CLDN10: variants seen among roughly 807,000 people sequenced by gnomAD.
CLDN10 encodes claudin-10.
A neutral mutation model predicts 22.9 loss-of-function variants in CLDN10; 15 were observed. The ratio of observed to expected loss-of-function variants is 0.65; its 90% CI spans 0.44 to 1.01. CLDN10 has a LOEUF of 1.01. Among genes scored for constraint, CLDN10 ranks in the 50% least tolerant of loss-of-function variants. The pLI is 0.00. For synonymous variants in CLDN10, 114 were observed against 111.4 expected (o/e 1.02, Z -0.15); for missense variants, 247 against 287.8 (o/e 0.86, Z 1.03).
At chr13:95,469,741 A>G (rs1404346078) in intron 1 of CLDN10, among the ~76,000 whole-genome samples, 1 of 152,240 alleles carries the variant, frequency 6.6e-6, no homozygotes, top group Non-Finnish European at 1.5e-5. Flanking sequence ...CTGAAAGTTC[A>G]ATCTCAAGAC....
rs34372824 is a variant in CLDN10 at position 95,467,529 on chromosome 13, T to TTGGGG, written c.214+33482_214+33483insTGGGG. On this transcript the variant is annotated intron_variant, in intron 1 of 4. Coordinates refer to the CLDN10 transcript ENST00000376873. Reference sequence around the variant, plus strand: ...TTACCCCTCCCTCTATTGTTTTTTTTGGGGGGGGCAATTTATTTGTTGATG... The same window carrying TTGGGG: ...TTACCCCTCCCTCTATTGTTTTTTTTTGGGGGGGGGGGGCAATTTATTTGTTGATG... Among the ~76,000 whole-genome samples, 136 of 150,896 alleles carry TTGGGG rather than the reference T, an allele frequency of 9.0e-4. 1 individual carries two copies. The highest frequency in any genetic ancestry group is 3.2e-3 in the African/African-American group (132 of 41,140).
At chr13:95,485,771 A>G (rs1166844557) in intron 1 of CLDN10, among the ~76,000 whole-genome samples, 2 of 152,230 alleles carry the variant, frequency 1.3e-5, no homozygotes, top group Admixed American at 1.3e-4. Context: ...CTTTGAGGCC[A>G]ACTCAAATGT....
intron 1 of CLDN10, among the ~76,000 whole-genome samples, chr13:95,520,709 G>C (rs1278725326): frequency 6.6e-6 from 1 of 152,132 alleles, no homozygotes; most frequent in Non-Finnish European, 1.5e-5. Context: ...GAGGGCGGGC[G>C]TGGTGGCTCA....
At chr13:95,567,110 T>C (rs1248710749) in intron 3 of CLDN10, among the ~76,000 whole-genome samples, 3 of 152,206 alleles carry the variant, frequency 2.0e-5, no homozygotes, top group Non-Finnish European at 2.9e-5. Flanking sequence ...GTGGGCTCTC[T>C]TTTGGTTTCA....
intron 1 of CLDN10, among the ~76,000 whole-genome samples, chr13:95,524,517 A>G (rs1349464551): frequency 6.6e-6 from 1 of 152,202 alleles, no homozygotes; most frequent in African/African-American, 2.4e-5. Context: ...ATGATATTCC[A>G]TTGTATGGAA....
chr13:95,473,670 C>T (rs573499805), intron 1 of CLDN10, among the ~76,000 whole-genome samples: 6 of 152,208 alleles, frequency 3.9e-5, no homozygotes, highest in Non-Finnish European at 7.3e-5. Flanking sequence ...GGCTGAGGAC[C>T]GGGTGCCGTC....
At chr13:95,434,834 G>A (rs11618203) in intron 1 of CLDN10, among the ~76,000 whole-genome samples, 38,897 of 151,500 alleles carry the variant, frequency 0.26, 5,140 homozygotes, top group South Asian at 0.42. Flanking sequence ...TCCTGATAAC[G>A]AAGGAAGGAA....
chr13:95,515,909 A>G (rs973495345), intron 1 of CLDN10, among the ~76,000 whole-genome samples: 2 of 152,048 alleles, frequency 1.3e-5, no homozygotes, highest in African/African-American at 4.8e-5. Flanking sequence ...CCCCATCTCT[A>G]CTAAAAATAC....
intron 1 of CLDN10, among the ~76,000 whole-genome samples, chr13:95,540,301 AAAATAAATAAAT>A (rs57019843): frequency 1.4e-3 from 195 of 142,812 alleles, no homozygotes; most frequent in Middle Eastern, 0.01. Flanking sequence ...CTCTGTCTCA[AAAATAAATAAAT>A]AAATAAATAA....
At chr13:95,479,983 A>G (rs1010592339) in intron 1 of CLDN10, 1 of 152,226 alleles carries the variant, frequency 6.6e-6, no homozygotes, top group African/African-American at 2.4e-5. Flanking sequence ...CATACCCAAG[A>G]CTGGGGAATT....
At chr13:95,516,204 ATAG>A (rs1238224325) in intron 1 of CLDN10, among the ~76,000 whole-genome samples, 1 of 152,228 alleles carries the variant, frequency 6.6e-6, no homozygotes, top group African/African-American at 2.4e-5. Flanking sequence ...CTCCAGCTTC[ATAG>A]TAATAGAATA....
At chr13:95,457,274 T>C (rs532495576) in intron 1 of CLDN10, among the ~76,000 whole-genome samples, 7 of 152,224 alleles carry the variant, frequency 4.6e-5, no homozygotes, top group African/African-American at 1.7e-4. Flanking sequence ...TAAAAAAAAA[T>C]TGTTGAGTTA....
chr13:95,500,305 T>G (rs1343683496), intron 1 of CLDN10, among the ~76,000 whole-genome samples: 2 of 152,022 alleles, frequency 1.3e-5, no homozygotes, highest in African/African-American at 4.8e-5. Flanking sequence ...TAAATAAGAA[T>G]GGGAAGTTAG....
chr13:95,485,945 A>C (rs777500060), intron 1 of CLDN10, among the ~76,000 whole-genome samples: 4 of 152,184 alleles, frequency 2.6e-5, no homozygotes, highest in Non-Finnish European at 4.4e-5. Flanking sequence ...AATATGCCAG[A>C]TTCTGTTTCT....
At chr13:95,504,285 T>TTC (rs1445680636) in intron 1 of CLDN10, among the ~76,000 whole-genome samples, 1 of 152,216 alleles carries the variant, frequency 6.6e-6, no homozygotes, top group Non-Finnish European at 1.5e-5. Flanking sequence ...CTACATTTTT[T>TTC]ACTTCTGCAA....
intron 1 of CLDN10, among the ~76,000 whole-genome samples, chr13:95,467,390 C>A (rs1379521743): frequency 6.6e-6 from 1 of 152,168 alleles, no homozygotes; most frequent in East Asian, 1.9e-4. Flanking sequence ...TTCCAAATAT[C>A]CCTGATAGTC....
chr13:95,477,023 C>T (rs1244334259), intron 1 of CLDN10, among the ~76,000 whole-genome samples: 3 of 152,108 alleles, frequency 2.0e-5, no homozygotes, highest in South Asian at 2.1e-4. Flanking sequence ...GAACCAGCCA[C>T]GCCTCTCCTC....
At chr13:95,488,350 TTTTTTTAACAA>T (rs1436064914) in intron 1 of CLDN10, among the ~76,000 whole-genome samples, 5 of 152,122 alleles carry the variant, frequency 3.3e-5, no homozygotes, top group Admixed American at 2.0e-4. Flanking sequence ...CCTCAAATTT[TTTTTTTAACAA>T]TTTTTTAACA....
intron 1 of CLDN10, among the ~76,000 whole-genome samples, chr13:95,481,326 C>A (rs1452992975): frequency 2.0e-5 from 3 of 152,314 alleles, no homozygotes; most frequent in African/African-American, 4.8e-5. Context: ...ATGGCCGGGG[C>A]AGAACCCTCT....
Sources: gnomAD v4.1 joint callset for allele counts (sites outside exome capture counted in the v4.1 genomes callset) on GRCh38, gnomAD v4.1.1 for gene constraint, MANE v1.5 for transcripts, NCBI Gene and HGNC (gene_info 2026-07-23, HGNC 2026-07-21) for gene names.